Variants in GHR observed in about 807,000 individuals in gnomAD.
GHR encodes GH receptor.
GHR carries 35 observed loss-of-function variants against 67.1 expected under a neutral mutation model. The observed-to-expected ratio is 0.52, with a 90% CI of 0.40 to 0.69. The LOEUF is 0.69. Ranked by LOEUF, GHR falls within the 30% of genes least tolerant of loss-of-function variation. The pLI is 0.00. For missense variants in GHR, 792 were observed against 764.6 expected, an observed-to-expected ratio of 1.04 and a Z score of -0.42; for synonymous variants, 272 against 269.1, an observed-to-expected ratio of 1.01 and a Z score of -0.10.
In GHR at chr5:42,670,936, G is replaced by A. The variant is rs181547093; in HGVS notation, c.137-17954G>A. 2.6e-3 allele frequency among the ~76,000 whole-genome samples: 373 copies of A among 143,274 alleles called. 1 individual carries two copies. Among genetic ancestry groups the A allele is most frequent in the African/African-American group, 9.0e-3 (350 of 38,732 alleles). 94.0% of individuals were successfully genotyped at this position (143,274 alleles called of 152,430 possible). A position where few individuals can be genotyped will look rare whatever the true frequency, so the allele number is the denominator to read the frequency against. On this transcript the variant is annotated intron_variant, in intron 3 of 9. Transcript: ENST00000230882. Reference sequence around the variant, plus strand: ...AATAGACATTTCTCAAAAGAAGCAAGTATCACCCTGATTTAAAACCTGGCA... The same window carrying A: ...AATAGACATTTCTCAAAAGAAGCAAATATCACCCTGATTTAAAACCTGGCA...
chr5:42,713,442 A>G lies in GHR; in HGVS notation c.798A>G (p.Pro266=). The change falls in exon 8 of 10, where the codon CCA becomes CCG. Residue 266 remains proline (P), a synonymous_variant. Coordinates refer to ENST00000230882, the MANE Select transcript of GHR (RefSeq NM_000163.5). The part of the protein sequence containing the change: ...QFTCEEDFYF[P]WLLIIIFGIF... ...TGTGTGTTTCAGATTTCTACTTTCCATGGCTCTTAATTATTATCTTTGGAA... is the reference window on the plus strand; with the variant it reads ...TGTGTGTTTCAGATTTCTACTTTCCGTGGCTCTTAATTATTATCTTTGGAA... 1 of 1,423,750 alleles carries G rather than the reference A, an allele frequency of 7.0e-7. No homozygotes were observed. The highest frequency in any genetic ancestry group is 9.9e-7 in the Non-Finnish European group (1 of 1,009,278). The allele number at this position is 1,423,750 out of a possible 1,614,324, so 88.2% of individuals were successfully genotyped here.
intron 2 of GHR, among the ~76,000 whole-genome samples, chr5:42,576,108 TAAAATAAAATA>T (rs1750697919): frequency 1.3e-5 from 1 of 76,442 alleles, no homozygotes; most frequent in Non-Finnish European, 2.6e-5. Context: ...ATAAATAAAA[TAAAATAAAATA>T]AAATAAAATA....
At chr5:42,504,740 G>A (rs999152264) in intron 1 of GHR, among the ~76,000 whole-genome samples, 10 of 152,028 alleles carry the variant, frequency 6.6e-5, no homozygotes, top group Non-Finnish European at 5.9e-5. Context: ...GCCTGAGAAC[G>A]GAGCGAGATT....
intron 2 of GHR, among the ~76,000 whole-genome samples, chr5:42,605,560 TC>T (rs1752592098): frequency 3.3e-5 from 5 of 152,182 alleles, no homozygotes; most frequent in Admixed American, 3.3e-4. Context: ...AGATGAGTGG[TC>T]CATCTTCCTC....
intron 1 of GHR, among the ~76,000 whole-genome samples, chr5:42,481,360 T>C (rs545020053): frequency 1.3e-5 from 2 of 152,350 alleles, no homozygotes; most frequent in South Asian, 4.1e-4. Flanking sequence ...CTGCCAATTA[T>C]GTGTCTTGGA....
intron 3 of GHR, among the ~76,000 whole-genome samples, chr5:42,665,917 C>T (rs1755948013): frequency 6.6e-6 from 1 of 152,032 alleles, no homozygotes; most frequent in African/African-American, 2.4e-5. Context: ...ACCATCAGAT[C>T]TCATGAGACT....
chr5:42,591,691 G>C (rs1053616152), intron 2 of GHR, among the ~76,000 whole-genome samples: 1 of 152,064 alleles, frequency 6.6e-6, no homozygotes, highest in Non-Finnish European at 1.5e-5. Flanking sequence ...CTTGTCCACT[G>C]TCCTTGCTAC....
intron 1 of GHR, among the ~76,000 whole-genome samples, chr5:42,505,708 A>AT (rs1746744317): frequency 6.6e-6 from 1 of 152,188 alleles, no homozygotes; most frequent in Non-Finnish European, 1.5e-5. Flanking sequence ...AATAGTACCT[A>AT]TTACATTGTC....
intron 2 of GHR, among the ~76,000 whole-genome samples, chr5:42,586,335 G>A (rs1751474212): frequency 6.6e-6 from 1 of 152,108 alleles, no homozygotes; most frequent in Admixed American, 6.5e-5. Flanking sequence ...AAGCTTTTGG[G>A]TAAAGTACAC....
At chr5:42,596,430 G>A (rs187248660) in intron 2 of GHR, among the ~76,000 whole-genome samples, 10 of 152,304 alleles carry the variant, frequency 6.6e-5, no homozygotes, top group Middle Eastern at 3.4e-3. Flanking sequence ...AGTCATTGAA[G>A]AAACCCATGA....
At chr5:42,519,399 T>A (rs1747378671) in intron 1 of GHR, among the ~76,000 whole-genome samples, 1 of 152,210 alleles carries the variant, frequency 6.6e-6, no homozygotes, top group Non-Finnish European at 1.5e-5. Context: ...AGTAAAAGAA[T>A]CTTGGTATGG....
intron 1 of GHR, among the ~76,000 whole-genome samples, chr5:42,492,073 T>C (rs1408712480): frequency 3.3e-5 from 5 of 152,218 alleles, no homozygotes; most frequent in Non-Finnish European, 7.3e-5. Flanking sequence ...TAGTTCTGGC[T>C]TTTCCTTATA....
intron 2 of GHR, among the ~76,000 whole-genome samples, chr5:42,608,666 AT>A (rs1467435212): frequency 1.3e-5 from 2 of 152,218 alleles, no homozygotes; most frequent in Non-Finnish European, 2.9e-5. Flanking sequence ...CAGTCTTCAT[AT>A]TTTGAACCCT....
chr5:42,521,512 G>T (rs1747473244), intron 1 of GHR, among the ~76,000 whole-genome samples: 1 of 152,132 alleles, frequency 6.6e-6, no homozygotes, highest in Non-Finnish European at 1.5e-5. Context: ...TTTAGTTTCG[G>T]ATTTGTAAAG....
At chr5:42,485,951 T>C (rs1292797398) in intron 1 of GHR, among the ~76,000 whole-genome samples, 1 of 152,228 alleles carries the variant, frequency 6.6e-6, no homozygotes, top group South Asian at 2.1e-4. Flanking sequence ...ATGATCTGTT[T>C]ACCTGCTCTG....
intron 3 of GHR, among the ~76,000 whole-genome samples, chr5:42,652,339 CAGAT>C (rs1484107404): frequency 6.6e-6 from 1 of 151,966 alleles, no homozygotes; most frequent in Non-Finnish European, 1.5e-5. Context: ...GGCTAGAAGT[CAGAT>C]AGATGCTTAA....
chr5:42,443,037 C>A (rs79909911), intron 1 of GHR, among the ~76,000 whole-genome samples: 3,032 of 152,232 alleles, frequency 0.02, 101 homozygotes, highest in African/African-American at 0.069. Context: ...AATTTGTTCA[C>A]TACTGTCTTT....
At chr5:42,685,175 T>C (rs1219920652) in intron 3 of GHR, among the ~76,000 whole-genome samples, 3 of 152,136 alleles carry the variant, frequency 2.0e-5, no homozygotes, top group Non-Finnish European at 4.4e-5. Flanking sequence ...CTCCCACTTA[T>C]AAGTGAGAAC....
At chr5:42,532,809 T>A (rs1748035962) in intron 1 of GHR, among the ~76,000 whole-genome samples, 1 of 152,198 alleles carries the variant, frequency 6.6e-6, no homozygotes, top group Non-Finnish European at 1.5e-5. Context: ...CTCCATCTTA[T>A]GAAAATACCA....
Sources: allele counts gnomAD v4.1 joint callset (sites outside exome capture counted in the v4.1 genomes callset), GRCh38; gene constraint gnomAD v4.1.1; transcripts MANE v1.5; gene names NCBI Gene and HGNC (gene_info 2026-07-23, HGNC 2026-07-21).